The following SLC44A5 variants were observed in gnomAD, a reference collection of about 807,000 sequenced individuals.
SLC44A5 encodes the protein choline transporter-like protein 5.
Under a neutral mutation model 101.8 loss-of-function variants are expected in SLC44A5, and 57 were observed. That is an observed-to-expected ratio of 0.56 (90% CI 0.45 to 0.70). The LOEUF (loss-of-function observed/expected upper bound fraction) is 0.70, where lower values mean the gene tolerates loss of function less well. SLC44A5 is among the 30% of genes least tolerant of loss of function. The probability of loss-of-function intolerance (pLI) is 0.00; values close to 1 mark genes in which losing one functional copy is unlikely to be tolerated. For synonymous variants in SLC44A5, 281 were observed against 290.9 expected, an observed-to-expected ratio of 0.97 and a Z score of 0.35; for missense variants, 737 against 853.1, an observed-to-expected ratio of 0.86 and a Z score of 1.70.
At chr1:75,354,092 C>T (rs1490871557) in intron 3 of SLC44A5, 3 of 264,916 alleles carry the variant, frequency 1.1e-5, no homozygotes, top group Non-Finnish European at 2.2e-5. Context: ...GATTTTAGAA[C>T]AAAGTTTCTA....
chr1:75,716,124 C>T, the SLC44A5 span, among the ~76,000 whole-genome samples: 1 of 152,286 alleles, frequency 6.6e-6, no homozygotes, highest in Admixed American at 6.5e-5. Context: ...CCATCTCACA[C>T]CAGTCAGAAT....
At chr1:75,437,121 C>T (rs1371446982) in intron 2 of SLC44A5, among the ~76,000 whole-genome samples, 3 of 152,052 alleles carry the variant, frequency 2.0e-5, no homozygotes, top group Non-Finnish European at 4.4e-5. Context: ...AATAAGTACA[C>T]TCTAAAATAA....
chr1:75,666,244 A>C, the SLC44A5 span, among the ~76,000 whole-genome samples: 1 of 152,170 alleles, frequency 6.6e-6, no homozygotes, highest in African/African-American at 2.4e-5. Flanking sequence ...GGTGGATTGC[A>C]TAAAAAAAAT....
intron 1 of SLC44A5, among the ~76,000 whole-genome samples, chr1:75,598,103 A>G (rs908424001): frequency 1.3e-5 from 2 of 152,002 alleles, no homozygotes; most frequent in African/African-American, 4.8e-5. Flanking sequence ...AGAAAAAAAA[A>G]CCCATAAAAA....
At chr1:75,675,049 C>G in the SLC44A5 span, among the ~76,000 whole-genome samples, 3 of 152,156 alleles carry the variant, frequency 2.0e-5, no homozygotes, top group Admixed American at 1.3e-4. Flanking sequence ...AGCATGATGC[C>G]TTCAGCTTTG....
chr1:75,238,682 C>A (rs938876992), intron 9 of SLC44A5, 46 bp from the exon 10 acceptor site: 5 of 1,285,564 alleles, frequency 3.9e-6, no homozygotes, highest in Non-Finnish European at 5.3e-6. Flanking sequence ...TCTATTTCTT[C>A]TTTAATGATG....
At chr1:75,651,879 G>A in the SLC44A5 span, among the ~76,000 whole-genome samples, 327 of 152,128 alleles carry the variant, frequency 2.1e-3, 3 homozygotes, top group African/African-American at 7.1e-3. Context: ...CCATCAGGTT[G>A]TGATCGGGCA....
rs374158927 is a variant in SLC44A5, at chr1:75,203,406, G to A, written c.*321C>T. The A allele has an allele frequency of 2.5e-4, 45 of 178,604 alleles. No individual in the cohort carries two copies. In the South Asian group the frequency reaches 8.3e-3, roughly 33 times the overall value. The allele number at this position is 178,604 out of a possible 1,614,324, so 11.1% of individuals were successfully genotyped here. Reference sequence around the variant, plus strand: ...ATTAGGAGCTATCAATTTAAGTAATGTATCATTTTTCAATCTAAGATTTAA... The same window carrying A: ...ATTAGGAGCTATCAATTTAAGTAATATATCATTTTTCAATCTAAGATTTAA... On this transcript the variant is annotated 3_prime_UTR_variant, in exon 24 of 24. Transcript: ENST00000370859.
At chr1:75,282,135 G>A (rs1312272529) in intron 5 of SLC44A5, among the ~76,000 whole-genome samples, 1 of 152,200 alleles carries the variant, frequency 6.6e-6, no homozygotes, top group African/African-American at 2.4e-5. Context: ...GGGTGGAGCT[G>A]CCTATGACCA....
rs568003607 is a variant in SLC44A5 at position 75,212,248 on chromosome 1, T to C, written c.1963-696A>G. Among the ~76,000 whole-genome samples the C allele has an allele frequency of 2.0e-5, 3 of 152,268 alleles. No individual in the cohort carries two copies. In the South Asian group the frequency reaches 6.2e-4, roughly 32 times the overall value. ...TGTACAGGTTTGTCATATAAGTAAA[T>C]TATGTGTCATAGGGGTTTTGTGTAC... On this transcript the variant is annotated intron_variant, in intron 22 of 23. Coordinates refer to ENST00000370859, the MANE Select transcript of SLC44A5 (RefSeq NM_001130058.2).
intron 2 of SLC44A5, among the ~76,000 whole-genome samples, chr1:75,463,157 C>G (rs542166230): frequency 6.6e-6 from 1 of 152,246 alleles, no homozygotes; most frequent in African/African-American, 2.4e-5. Flanking sequence ...CACGGTGGCT[C>G]ACGCCTGTAA....
chr1:75,642,109 A>G, the SLC44A5 span: 1 of 1,127,532 alleles, frequency 8.9e-7, no homozygotes, highest in Non-Finnish European at 1.3e-6. Flanking sequence ...TTTGATGTAG[A>G]TATAATTGAA....
chr1:75,476,604 A>C (rs1263176996), intron 2 of SLC44A5, among the ~76,000 whole-genome samples: 1 of 152,242 alleles, frequency 6.6e-6, no homozygotes, highest in East Asian at 1.9e-4. Context: ...ATTATATCCC[A>C]CACCTGGCTC....
At chr1:75,254,038 C>A (rs1389797404) in intron 6 of SLC44A5, among the ~76,000 whole-genome samples, 1 of 151,850 alleles carries the variant, frequency 6.6e-6, no homozygotes, top group Non-Finnish European at 1.5e-5. Context: ...TTCAGGGGAC[C>A]ACAACTTTTT....
chr1:75,463,949 G>A (rs975139454), intron 2 of SLC44A5, among the ~76,000 whole-genome samples: 3 of 152,010 alleles, frequency 2.0e-5, no homozygotes, highest in Admixed American at 1.3e-4. Context: ...GAGGCCGGGC[G>A]CAGTGGCTCA....
intron 1 of SLC44A5, among the ~76,000 whole-genome samples, chr1:75,572,958 A>G (rs985057518): frequency 2.0e-5 from 3 of 151,794 alleles, no homozygotes; most frequent in Admixed American, 6.6e-5. Context: ...CCCCGTCTCT[A>G]CTAATAATAC....
chr1:75,328,131 T>C (rs1265337791), intron 4 of SLC44A5, among the ~76,000 whole-genome samples: 1 of 152,220 alleles, frequency 6.6e-6, no homozygotes, highest in African/African-American at 2.4e-5. Flanking sequence ...TACCCACTGG[T>C]CTTCTGTCCA....
the SLC44A5 span, among the ~76,000 whole-genome samples, chr1:75,681,095 G>T: frequency 5.9e-5 from 9 of 151,778 alleles, no homozygotes; most frequent in African/African-American, 2.2e-4. Flanking sequence ...ACCAATAACA[G>T]GATCTGAAAT....
intron 5 of SLC44A5, among the ~76,000 whole-genome samples, chr1:75,281,384 C>T (rs761055765): frequency 3.9e-5 from 6 of 152,064 alleles, no homozygotes; most frequent in Admixed American, 2.0e-4. Flanking sequence ...AGCAGCAAAA[C>T]GTTCAAGAGG....
Sources: gnomAD v4.1 joint callset for allele counts (sites outside exome capture counted in the v4.1 genomes callset) on GRCh38, gnomAD v4.1.1 for gene constraint, MANE v1.5 for transcripts, NCBI Gene and HGNC (gene_info 2026-07-23, HGNC 2026-07-21) for gene names.